Variants in LRRC3B observed in about 807,000 individuals in gnomAD.
LRRC3B encodes leucine-rich repeat-containing protein 3B.
LRRC3B carries 2 observed loss-of-function variants against 12.8 expected under a neutral mutation model. The observed-to-expected ratio is 0.16, with a 90% confidence interval of 0.06 to 0.49. The LOEUF (loss-of-function observed/expected upper bound fraction) is 0.49, where lower values mean the gene tolerates loss of function less well. Ranked by LOEUF, LRRC3B falls within the 20% of genes least tolerant of loss-of-function variation. LRRC3B has a pLI of 0.96. For missense variants in LRRC3B, 189 were observed against 319.4 expected (o/e 0.59, Z 3.11); for synonymous variants, 132 against 122.0 (o/e 1.08, Z -0.54).
intron 1 of LRRC3B, among the ~76,000 whole-genome samples, chr3:26,660,458 A>AT (rs11458508): frequency 0.041 from 6,243 of 152,214 alleles, 458 homozygotes; most frequent in African/African-American, 0.14. Context: ...AGATTAAGTG[A>AT]TTTTTTTCTG....
At chr3:26,636,248 A>G (rs1467302508) in intron 1 of LRRC3B, among the ~76,000 whole-genome samples, 2 of 152,180 alleles carry the variant, frequency 1.3e-5, no homozygotes, top group African/African-American at 4.8e-5. Flanking sequence ...AAAAAAAGAG[A>G]GAGAATTACA....
chr3:26,636,896 C>CTCTCTT lies in LRRC3B; in HGVS notation c.-161+13664_-161+13665insTTCTCT, dbSNP rs1242003234. Among the ~76,000 whole-genome samples, 104 of 94,694 alleles carry CTCTCTT rather than the reference C, an allele frequency of 1.1e-3. 1 individual carries two copies. Among genetic ancestry groups the CTCTCTT allele is most frequent in the African/African-American group, 4.3e-3 (93 of 21,778 alleles). 62.1% of individuals were successfully genotyped at this position (94,694 alleles called of 152,430 possible). On this transcript the variant is annotated intron_variant, in intron 1 of 1. Transcript: ENST00000396641. ...TTCCTTCCTTCCTTCCTTTCTCTCT[C>CTCTCTT]TCTCTCTTTCTCTCTTTCTCTCTTT...
chr3:26,631,132 T>C (rs1302655069), intron 1 of LRRC3B, among the ~76,000 whole-genome samples: 2 of 152,172 alleles, frequency 1.3e-5, no homozygotes, highest in South Asian at 4.1e-4. Context: ...ACAACCAAGA[T>C]ATGGGATGCC....
chr3:26,681,299 A>G (rs1699965916), intron 1 of LRRC3B, among the ~76,000 whole-genome samples: 1 of 152,212 alleles, frequency 6.6e-6, no homozygotes, highest in South Asian at 2.1e-4. Flanking sequence ...TTTAATATGT[A>G]GTTTTAACAG....
intron 1 of LRRC3B, among the ~76,000 whole-genome samples, chr3:26,697,370 C>A (rs943748523): frequency 6.6e-5 from 10 of 152,262 alleles, no homozygotes; most frequent in Non-Finnish European, 1.0e-4. Context: ...TCAATCCTTA[C>A]CTTAGTTGTT....
intron 1 of LRRC3B, among the ~76,000 whole-genome samples, chr3:26,670,652 A>C (rs902105544): frequency 6.6e-6 from 1 of 152,220 alleles, no homozygotes; most frequent in Non-Finnish European, 1.5e-5. Flanking sequence ...TGTGGAAAGA[A>C]GTAGTGAGTC....
At chr3:26,658,451 G>A (rs1907167) in intron 1 of LRRC3B, among the ~76,000 whole-genome samples, 1 of 152,038 alleles carries the variant, frequency 6.6e-6, no homozygotes, top group East Asian at 1.9e-4. Flanking sequence ...CAGTAATTAC[G>A]TGGGAACTTC....
At chr3:26,670,113 T>C (rs1219473164) in intron 1 of LRRC3B, among the ~76,000 whole-genome samples, 1 of 152,218 alleles carries the variant, frequency 6.6e-6, no homozygotes. Flanking sequence ...GTCTCACTCA[T>C]TTTTATCCTG....
chr3:26,625,877 GT>G (rs1698613637), intron 1 of LRRC3B, among the ~76,000 whole-genome samples: 1 of 152,214 alleles, frequency 6.6e-6, no homozygotes, highest in Non-Finnish European at 1.5e-5. Flanking sequence ...TTTATCTCAT[GT>G]TATAGATGGA....
At chr3:26,653,305 A>G (rs762854408) in intron 1 of LRRC3B, among the ~76,000 whole-genome samples, 33 of 152,214 alleles carry the variant, frequency 2.2e-4, no homozygotes, top group Non-Finnish European at 4.0e-4. Flanking sequence ...TGTTAGTCAG[A>G]GCCTGTACCT....
intron 1 of LRRC3B, among the ~76,000 whole-genome samples, chr3:26,684,866 C>A (rs1156837425): frequency 6.6e-6 from 1 of 152,218 alleles, no homozygotes; most frequent in East Asian, 1.9e-4. Context: ...TCCCTGAGTT[C>A]ACCAGTAGCA....
At chr3:26,694,180 A>T (rs1700253017) in intron 1 of LRRC3B, among the ~76,000 whole-genome samples, 1 of 152,184 alleles carries the variant, frequency 6.6e-6, no homozygotes, top group Admixed American at 6.5e-5. Flanking sequence ...GTAGTAGTAG[A>T]GGTAGTATTA....
chr3:26,691,824 G>A (rs1700200108), intron 1 of LRRC3B, among the ~76,000 whole-genome samples: 1 of 152,204 alleles, frequency 6.6e-6, no homozygotes, highest in South Asian at 2.1e-4. Context: ...CTATCCACAT[G>A]CTGGCAATAT....
At chr3:26,651,258 C>G (rs1168401108) in intron 1 of LRRC3B, among the ~76,000 whole-genome samples, 1 of 152,176 alleles carries the variant, frequency 6.6e-6, no homozygotes, top group Non-Finnish European at 1.5e-5. Context: ...TCTGGGAGGT[C>G]ATCAGAGATG....
chr3:26,685,523 C>CTCTCTCTCTATATA (rs1200535225), intron 1 of LRRC3B, among the ~76,000 whole-genome samples: 1 of 38,320 alleles, frequency 2.6e-5, no homozygotes, highest in African/African-American at 1.3e-4. Flanking sequence ...CTCTCTCTCT[C>CTCTCTCTCTATATA]TATATATATA....
At chr3:26,695,118 T>C (rs1700279263) in intron 1 of LRRC3B, among the ~76,000 whole-genome samples, 1 of 152,232 alleles carries the variant, frequency 6.6e-6, no homozygotes, top group Non-Finnish European at 1.5e-5. Flanking sequence ...CTCTCAGTGA[T>C]ATGTATTTGA....
intron 1 of LRRC3B, among the ~76,000 whole-genome samples, chr3:26,665,244 A>G (rs1283004166): frequency 6.6e-6 from 1 of 152,120 alleles, no homozygotes; most frequent in Admixed American, 6.6e-5. Context: ...CTGTGGCCTC[A>G]TTTCTAATTC....
At chr3:26,661,914 T>C (rs918444868) in intron 1 of LRRC3B, among the ~76,000 whole-genome samples, 3 of 152,156 alleles carry the variant, frequency 2.0e-5, no homozygotes, top group Admixed American at 2.0e-4. Context: ...GGTCAGGAAT[T>C]GCAGAAAGGC....
At chr3:26,709,135 G>A (rs1386273141) in intron 1 of LRRC3B, among the ~76,000 whole-genome samples, 1 of 152,146 alleles carries the variant, frequency 6.6e-6, no homozygotes, top group Non-Finnish European at 1.5e-5. Flanking sequence ...CCAAGTGCAG[G>A]ACTAAATTAC....
Sources: allele counts gnomAD v4.1 joint callset (sites outside exome capture counted in the v4.1 genomes callset), GRCh38; gene constraint gnomAD v4.1.1; transcripts MANE v1.5; gene names NCBI Gene and HGNC (gene_info 2026-07-23, HGNC 2026-07-21).